The following CBL variants were observed in gnomAD, a reference collection of about 807,000 sequenced individuals.
The protein encoded by CBL is E3 ubiquitin-protein ligase CBL.
CBL carries 45 observed loss-of-function variants against 96.9 expected under a neutral mutation model. That is an observed-to-expected ratio of 0.46 (90% CI 0.37 to 0.60). The LOEUF is 0.60. Ranked by LOEUF, CBL falls within the 20% of genes least tolerant of loss-of-function variation. The pLI, the probability that CBL is intolerant of heterozygous loss-of-function variation, is 0.00. For missense variants in CBL, 1,024 were observed against 1,143.5 expected, an observed-to-expected ratio of 0.90 and a Z score of 1.51; for synonymous variants, 420 against 426.8, an observed-to-expected ratio of 0.98 and a Z score of 0.20.
rs537171592 is a variant in CBL at position 119,296,727 on chromosome 11, G to C, written c.2037-191G>C. ...ATAAAAGCTGCACCTTTGGTCAGTTGAAAGTGACATTTTTAGTTAGTGTAC... is the reference window on the plus strand; with the variant it reads ...ATAAAAGCTGCACCTTTGGTCAGTTCAAAGTGACATTTTTAGTTAGTGTAC... On this transcript the variant is annotated intron_variant, in intron 12 of 15. Transcript: ENST00000264033. Among the ~76,000 whole-genome samples the C allele has an allele frequency of 2.6e-5, 4 of 152,340 alleles. No individual in the cohort carries two copies. In the South Asian group the frequency reaches 8.3e-4, roughly 32 times the overall value.
chr11:119,266,986 G>A (rs1949807330), intron 2 of CBL, among the ~76,000 whole-genome samples: 1 of 152,130 alleles, frequency 6.6e-6, no homozygotes, highest in Non-Finnish European at 1.5e-5. Flanking sequence ...TTCAAGTATT[G>A]CTTACCATGT....
At chr11:119,266,764 A>G (rs1345950552) in intron 2 of CBL, among the ~76,000 whole-genome samples, 1 of 152,214 alleles carries the variant, frequency 6.6e-6, no homozygotes, top group Non-Finnish European at 1.5e-5. Flanking sequence ...CTGAAGGCGA[A>G]GGTTAGAGTG....
chr11:119,251,545 A>G (rs945661531), intron 2 of CBL, among the ~76,000 whole-genome samples: 5 of 152,252 alleles, frequency 3.3e-5, no homozygotes, highest in Non-Finnish European at 1.5e-5. Context: ...TAAATTTAAG[A>G]GAAGTTACAC....
chr11:119,285,777 T>C (rs908402740), intron 11 of CBL, among the ~76,000 whole-genome samples: 1 of 152,128 alleles, frequency 6.6e-6, no homozygotes, highest in Non-Finnish European at 1.5e-5. Context: ...TTGCCTGTAA[T>C]TCCAGCTACT....
chr11:119,275,968 C>T, intron 5 of CBL, 29 bp from the exon 6 acceptor site: 1 of 1,612,194 alleles, frequency 6.2e-7, no homozygotes, highest in Non-Finnish European at 8.5e-7. Flanking sequence ...GCATAATCTA[C>T]TAAAGCTTCT....
intron 2 of CBL, among the ~76,000 whole-genome samples, chr11:119,269,094 C>A (rs1949824165): frequency 6.6e-6 from 1 of 152,152 alleles, no homozygotes; most frequent in African/African-American, 2.4e-5. Flanking sequence ...GGGTTTCTTT[C>A]ACGTTACCTA....
intron 12 of CBL, among the ~76,000 whole-genome samples, chr11:119,293,928 T>C (rs1950046582): frequency 6.6e-6 from 1 of 152,146 alleles, no homozygotes; most frequent in Non-Finnish European, 1.5e-5. Context: ...CACCAGCCCA[T>C]TGAGACTACT....
rs747804658 is a variant in CBL at position 119,299,715 on chromosome 11, C to G, written c.2655C>G (p.Ile885Met). 1 of 1,614,066 alleles carries G rather than the reference C, an allele frequency of 6.2e-7. No individual in the cohort carries two copies. The highest frequency in any genetic ancestry group is 1.3e-5 in the African/African-American group (1 of 74,912). Reference sequence around the variant, plus strand: ...CTTTGGTCATTGCCCAGAACAACATCGAGATGGCCAAAAACATCCTCCGGG... The same window carrying G: ...CTTTGGTCATTGCCCAGAACAACATGGAGATGGCCAAAAACATCCTCCGGG... ...QKALVIAQNNIEMAKNILREF... is the reference protein window; with the variant it reads ...QKALVIAQNNMEMAKNILREF... Residue 885 changes from isoleucine to methionine, a missense_variant, in exon 16 of 16, where the codon ATC (isoleucine) becomes ATG (methionine). Ile to Met is a conservative substitution (Grantham distance 10, BLOSUM62 1). Around this residue, in one of 4 missense-constraint regions of CBL, gnomAD observed 23 missense variants for 42.7 expected, o/e 0.54. Transcript: ENST00000264033.
At chr11:119,279,232 A>G (rs544458019) in intron 9 of CBL, among the ~76,000 whole-genome samples, 2 of 151,244 alleles carry the variant, frequency 1.3e-5, no homozygotes, top group African/African-American at 4.9e-5. Flanking sequence ...GGGCATGCCC[A>G]TAGCTCATGC....
At chr11:119,232,085 T>G (rs763123855) in intron 1 of CBL, among the ~76,000 whole-genome samples, 26 of 152,016 alleles carry the variant, frequency 1.7e-4, no homozygotes, top group Non-Finnish European at 3.1e-4. Flanking sequence ...CGTGAGACCC[T>G]AAAAAATAAA....
At chr11:119,234,113 T>G (rs546920275) in intron 2 of CBL, among the ~76,000 whole-genome samples, 17 of 152,306 alleles carry the variant, frequency 1.1e-4, no homozygotes, top group African/African-American at 3.9e-4. Context: ...TTCAAGTGAT[T>G]CTTCTGTCTC....
intron 1 of CBL, among the ~76,000 whole-genome samples, chr11:119,227,103 C>T (rs976150292): frequency 2.0e-5 from 3 of 152,242 alleles, no homozygotes; most frequent in East Asian, 3.9e-4. Flanking sequence ...GTGGAAACTG[C>T]GCTTTGAATA....
At chr11:119,213,300 CCCTT>C (rs545392278) in intron 1 of CBL, among the ~76,000 whole-genome samples, 8 of 152,172 alleles carry the variant, frequency 5.3e-5, no homozygotes, top group East Asian at 1.9e-4. Context: ...TTCACTCCCT[CCCTT>C]CCTTCTTACC....
At position 119,287,834 on chromosome 11, in the gene CBL, C is replaced by T. The variant is rs768420765; in HGVS notation, c.1942-18C>T. 9.0e-6 allele frequency: 14 copies of T among 1,553,676 alleles called. No homozygotes were observed. The South Asian group carries it at 1.4e-4, about 16-fold the overall frequency. On this transcript the variant is annotated intron_variant, in intron 11 of 15. Transcript: ENST00000264033. ...GTGGTAAGAAAGTTGTTTTTCAACA[C>T]TTTTCTTTACTTTCCAGAGTATGAA...
At chr11:119,229,249 G>A (rs564280773) in intron 1 of CBL, among the ~76,000 whole-genome samples, 40 of 152,158 alleles carry the variant, frequency 2.6e-4, no homozygotes, top group Non-Finnish European at 5.4e-4. Context: ...ACTGGGAACT[G>A]TCTGTATTTG....
At position 119,232,712 on chromosome 11, in the gene CBL, A is replaced by G. The variant is rs1438042521; in HGVS notation, c.443+17A>G. ...TCAGCCTAGGTAATGGAGAAATACT[A>G]CACAAATAATTATGCAGGTCTGTGA... On this transcript the variant is annotated intron_variant, in intron 2 of 15. Coordinates refer to ENST00000264033, the MANE Select transcript of CBL (RefSeq NM_005188.4). 4.3e-6 allele frequency: 7 copies of G among 1,610,854 alleles called. No homozygotes were observed. In the African/African-American group the frequency reaches 8.0e-5, roughly 18 times the overall value.
At position 119,229,241 on chromosome 11, in the gene CBL, T is replaced by C. The variant is rs552026606; in HGVS notation, c.196-3207T>C. Among the ~76,000 whole-genome samples, 6 of 152,332 alleles carry C rather than the reference T, an allele frequency of 3.9e-5. No homozygotes were observed. In the South Asian group the frequency reaches 1.2e-3, roughly 32 times the overall value. ...CTTTTGGAATGTAGCACTTGTAAAC[T>C]GGGAACTGTCTGTATTTGTTTTATT... On this transcript the variant is annotated intron_variant, in intron 1 of 15. Coordinates refer to ENST00000264033, the MANE Select transcript of CBL (RefSeq NM_005188.4).
intron 1 of CBL, 48 bp from the exon 2 acceptor site, chr11:119,232,400 G>T (rs1287943852): frequency 1.2e-6 from 2 of 1,604,108 alleles, no homozygotes; most frequent in African/African-American, 2.7e-5. Flanking sequence ...AAAGGGAGCT[G>T]TCCTTAAAAT....
intron 2 of CBL, among the ~76,000 whole-genome samples, chr11:119,247,537 G>T (rs1395496183): frequency 3.3e-5 from 5 of 152,254 alleles, no homozygotes; most frequent in Admixed American, 3.3e-4. Flanking sequence ...TTTGCCGGGT[G>T]TGGTGGCTCA....
Sources: allele counts gnomAD v4.1 joint callset (sites outside exome capture counted in the v4.1 genomes callset), GRCh38; gene constraint gnomAD v4.1.1; regional missense constraint gnomAD v4.1.1; transcripts MANE v1.5; gene names NCBI Gene and HGNC (gene_info 2026-07-23, HGNC 2026-07-21).